The following CACNA1E variants were observed in gnomAD, a reference collection of about 807,000 sequenced individuals.
The protein encoded by CACNA1E is voltage-dependent R-type calcium channel subunit alpha-1E.
A neutral mutation model predicts 259.2 loss-of-function variants in CACNA1E; 40 were observed. That is an observed-to-expected ratio of 0.15 (90% CI 0.12 to 0.20). The LOEUF (loss-of-function observed/expected upper bound fraction) is 0.20. CACNA1E is among the 10% of genes least tolerant of loss of function. The pLI, the probability that CACNA1E is intolerant of heterozygous loss-of-function variation, is 1.00. For missense variants in CACNA1E, 1,874 were observed against 3,040.1 expected, an observed-to-expected ratio of 0.62 and a Z score of 9.02; for synonymous variants, 1,104 against 1,138.5, an observed-to-expected ratio of 0.97 and a Z score of 0.61.
At chr1:181,386,073 T>G (rs1655825429) in intron 1 of CACNA1E, among the ~76,000 whole-genome samples, 1 of 152,220 alleles carries the variant, frequency 6.6e-6, no homozygotes, top group Admixed American at 6.5e-5. Context: ...ATTTGTTCAT[T>G]CATTCTTTCA....
At position 181,758,457 on chromosome 1, in the gene CACNA1E, T is replaced by G. The variant is rs199917; in HGVS notation, c.4495-301T>G. On this transcript the variant is annotated intron_variant, in intron 31 of 47. Coordinates refer to ENST00000367573, the MANE Select transcript of CACNA1E (RefSeq NM_001205293.3). The surrounding 1 kb of genome is among the most constrained non-coding windows in gnomAD (Gnocchi z 4.2). Reference sequence around the variant, plus strand: ...TCAGAGAGGCTCATCCTATTTAATATTAAATGACTAACTCCAGTAACTAAC... The same window carrying G: ...TCAGAGAGGCTCATCCTATTTAATAGTAAATGACTAACTCCAGTAACTAAC... Among the ~76,000 whole-genome samples, 1 of 152,104 alleles carries G rather than the reference T, an allele frequency of 6.6e-6. No homozygotes were observed. Among genetic ancestry groups the G allele is most frequent in the African/African-American group, 2.4e-5 (1 of 41,408 alleles).
At chr1:181,767,085 C>T (rs993437264) in intron 35 of CACNA1E, among the ~76,000 whole-genome samples, 2 of 152,178 alleles carry the variant, frequency 1.3e-5, no homozygotes, top group Non-Finnish European at 2.9e-5. Flanking sequence ...CTTATACTTA[C>T]ACAGTCTTGA....
intron 7 of CACNA1E, among the ~76,000 whole-genome samples, chr1:181,670,656 G>A (rs1227868790): frequency 3.3e-5 from 5 of 152,112 alleles, no homozygotes; most frequent in Admixed American, 6.5e-5. Flanking sequence ...CAGCTGACAC[G>A]TCCTCAGGCT....
chr1:181,396,421 A>G (rs1656685660), intron 1 of CACNA1E, among the ~76,000 whole-genome samples: 1 of 152,204 alleles, frequency 6.6e-6, no homozygotes, highest in African/African-American at 2.4e-5. Flanking sequence ...AGCAATGTGG[A>G]GGGCATTGAT....
At chr1:181,348,255 C>T (rs1252730935) in intron 1 of CACNA1E, among the ~76,000 whole-genome samples, 1 of 151,826 alleles carries the variant, frequency 6.6e-6, no homozygotes, top group Non-Finnish European at 1.5e-5. Flanking sequence ...CACGCTTTGT[C>T]ATGGGGGTCA....
At chr1:181,534,691 A>T (rs4146633) in intron 3 of CACNA1E, among the ~76,000 whole-genome samples, 128,554 of 151,988 alleles carry the variant, frequency 0.85, 54,584 homozygotes, top group East Asian at 0.98. Context: ...AGTAGGCAAA[A>T]AGAATGAGTA....
chr1:181,499,937 C>T (rs542966905), intron 1 of CACNA1E, among the ~76,000 whole-genome samples: 6 of 152,286 alleles, frequency 3.9e-5, no homozygotes, highest in South Asian at 4.1e-4. Flanking sequence ...TAGCAGGAGC[C>T]GCCTGGGTGT....
intron 37 of CACNA1E, among the ~76,000 whole-genome samples, chr1:181,775,676 AG>A (rs1176445351): frequency 6.6e-6 from 1 of 152,214 alleles, no homozygotes; most frequent in Non-Finnish European, 1.5e-5. Flanking sequence ...AGAAAACAAA[AG>A]ATGAATGATG....
chr1:181,354,415 G>A (rs972227112), intron 1 of CACNA1E, among the ~76,000 whole-genome samples: 1 of 152,156 alleles, frequency 6.6e-6, no homozygotes, highest in African/African-American at 2.4e-5. Flanking sequence ...AGTGTGCTCA[G>A]GTATGGCCTG....
intron 6 of CACNA1E, among the ~76,000 whole-genome samples, chr1:181,609,665 A>G (rs1654561716): frequency 6.6e-6 from 1 of 152,236 alleles, no homozygotes; most frequent in Non-Finnish European, 1.5e-5. Context: ...AAACCAATGC[A>G]AATCATCATT....
At chr1:181,477,579 T>A (rs1277045666) in intron 2 of CACNA1E, among the ~76,000 whole-genome samples, 1 of 152,178 alleles carries the variant, frequency 6.6e-6, no homozygotes, top group East Asian at 1.9e-4. Context: ...TGGTCTCTAC[T>A]ATTTTTTTTT....
chr1:181,478,433 C>T (rs1663006392), intron 2 of CACNA1E, among the ~76,000 whole-genome samples: 1 of 152,208 alleles, frequency 6.6e-6, no homozygotes, highest in Non-Finnish European at 1.5e-5. Flanking sequence ...TCTGCATTGC[C>T]ATAATGCTCC....
intron 7 of CACNA1E, among the ~76,000 whole-genome samples, chr1:181,707,208 A>G (rs939422106): frequency 1.3e-5 from 2 of 152,248 alleles, no homozygotes; most frequent in South Asian, 2.1e-4. Context: ...TTGATAAAGC[A>G]TCATAAAGAA....
At chr1:181,482,199 G>A (rs1028570982), upstream of CACNA1E, among the ~76,000 whole-genome samples, 1 of 152,240 alleles carries the variant, frequency 6.6e-6, no homozygotes, top group African/African-American at 2.4e-5. Flanking sequence ...CCTGGGAGGT[G>A]CGGAGGAGCG....
intron 2 of CACNA1E, among the ~76,000 whole-genome samples, chr1:181,429,330 A>G (rs1448907937): frequency 6.6e-6 from 1 of 152,210 alleles, no homozygotes; most frequent in Non-Finnish European, 1.5e-5. Context: ...GGGCAGCCAG[A>G]ACCATCTAGA....
At chr1:181,591,961 T>C (rs192945002) in intron 6 of CACNA1E, among the ~76,000 whole-genome samples, 9 of 152,316 alleles carry the variant, frequency 5.9e-5, no homozygotes, top group Admixed American at 1.3e-4. Flanking sequence ...ATAAACCTGC[T>C]CCTCTCAGAC....
intron 1 of CACNA1E, among the ~76,000 whole-genome samples, chr1:181,388,111 G>A (rs1450404434): frequency 1.3e-5 from 2 of 152,232 alleles, no homozygotes; most frequent in Non-Finnish European, 2.9e-5. Flanking sequence ...TCCCCGGAGA[G>A]TGGAGCACCC....
At chr1:181,695,076 C>A (rs1057063031) in intron 7 of CACNA1E, among the ~76,000 whole-genome samples, 5 of 151,924 alleles carry the variant, frequency 3.3e-5, no homozygotes, top group African/African-American at 1.2e-4. Flanking sequence ...TATATGCTTG[C>A]AATGACCAAG....
intron 2 of CACNA1E, among the ~76,000 whole-genome samples, chr1:181,460,039 A>G (rs1661704472): frequency 6.6e-6 from 1 of 152,018 alleles, no homozygotes; most frequent in Admixed American, 6.6e-5. Context: ...GCGTTTGCAT[A>G]CCTTAATAAA....
Sources: allele counts gnomAD v4.1 joint callset (sites outside exome capture counted in the v4.1 genomes callset), GRCh38; gene constraint gnomAD v4.1.1; non-coding constraint Gnocchi (gnomAD v3.1); transcripts MANE v1.5; gene names NCBI Gene and HGNC (gene_info 2026-07-23, HGNC 2026-07-21).